CDK17: variants seen among roughly 807,000 people sequenced by gnomAD.
CDK17 encodes cyclin dependent kinase 17, also known as cyclin-dependent kinase 17.
Under a neutral mutation model 77.6 loss-of-function variants are expected in CDK17, and 24 were observed. That is an observed-to-expected ratio of 0.31 (90% confidence interval 0.22 to 0.44). CDK17 has a LOEUF of 0.44. Among genes scored for constraint, CDK17 ranks in the 20% least tolerant of loss-of-function variants. CDK17 has a pLI of 1.00. For synonymous variants in CDK17, 203 were observed against 210.4 expected (o/e 0.96, Z 0.30); for missense variants, 429 against 622.5 (o/e 0.69, Z 3.31).
intron 7 of CDK17, 44 bp from the exon 8 acceptor site, chr12:96,297,765 TATAAA>T (rs1952429849): frequency 9.5e-7 from 1 of 1,054,536 alleles, no homozygotes; most frequent in South Asian, 1.3e-5. Flanking sequence ...TGGCAGTCTT[TATAAA>T]AACCTGAAGT....
chr12:96,394,171 G>A (rs1051349531), intron 1 of CDK17, among the ~76,000 whole-genome samples: 7 of 151,984 alleles, frequency 4.6e-5, no homozygotes, highest in East Asian at 1.9e-4. Flanking sequence ...ACTTGAACCC[G>A]GGAGGCGGAG....
chr12:96,287,578 A>G (rs1300532109), intron 11 of CDK17, among the ~76,000 whole-genome samples: 1 of 152,274 alleles, frequency 6.6e-6, no homozygotes, highest in Non-Finnish European at 1.5e-5. Flanking sequence ...AACTGAAATC[A>G]GGCCAATGCA....
intron 1 of CDK17, among the ~76,000 whole-genome samples, chr12:96,348,523 C>CAAA (rs35363324): frequency 0.037 from 2,462 of 66,298 alleles, 123 homozygotes; most frequent in Non-Finnish European, 0.053. Context: ...GACTCTGTCT[C>CAAA]AAAAAAAAAA....
At chr12:96,329,230 G>A (rs1021974916) in intron 2 of CDK17, among the ~76,000 whole-genome samples, 5 of 151,968 alleles carry the variant, frequency 3.3e-5, no homozygotes, top group Admixed American at 6.6e-5. Context: ...TGATGGTTAC[G>A]CAATGTAAAT....
intron 13 of CDK17, among the ~76,000 whole-genome samples, chr12:96,284,244 G>A (rs919772253): frequency 6.6e-6 from 1 of 152,120 alleles, no homozygotes; most frequent in East Asian, 1.9e-4. Flanking sequence ...GCCGAGGCGG[G>A]TGGATCACGA....
At chr12:96,384,057 A>C (rs921744672) in intron 1 of CDK17, among the ~76,000 whole-genome samples, 3 of 149,976 alleles carry the variant, frequency 2.0e-5, no homozygotes, top group African/African-American at 7.3e-5. Context: ...TTAAATCCAC[A>C]AGAAAAAAAA....
intron 11 of CDK17, 89 bp downstream of exon 11, chr12:96,289,076 TCC>T: frequency 7.5e-7 from 1 of 1,333,546 alleles, no homozygotes; most frequent in East Asian, 2.4e-5. Flanking sequence ...AAATAATATC[TCC>T]TTAAAAGTAT....
At chr12:96,378,569 C>A (rs185723232) in intron 1 of CDK17, among the ~76,000 whole-genome samples, 6 of 152,342 alleles carry the variant, frequency 3.9e-5, no homozygotes, top group African/African-American at 1.4e-4. Flanking sequence ...CTCACTGCTA[C>A]AGGGATATTG....
At chr12:96,298,702 T>TA (rs1390104099) in intron 7 of CDK17, among the ~76,000 whole-genome samples, 167 bp downstream of exon 7, 2 of 152,222 alleles carry the variant, frequency 1.3e-5, no homozygotes, top group Admixed American at 6.5e-5. Flanking sequence ...AGTTATACAC[T>TA]AATATAATTA....
chr12:96,377,534 C>G (rs1953798958), intron 1 of CDK17, among the ~76,000 whole-genome samples: 1 of 152,066 alleles, frequency 6.6e-6, no homozygotes, highest in Non-Finnish European at 1.5e-5. Context: ...ATACAATAAC[C>G]TGAGTTAAAC....
chr12:96,376,380 C>A (rs747317845), intron 1 of CDK17, among the ~76,000 whole-genome samples: 9 of 152,310 alleles, frequency 5.9e-5, no homozygotes, highest in Admixed American at 2.0e-4. Context: ...AAACCAGACT[C>A]CAAAACATCA....
chr12:96,398,156 A>G (rs1954202531), intron 1 of CDK17, among the ~76,000 whole-genome samples: 1 of 151,968 alleles, frequency 6.6e-6, no homozygotes, highest in African/African-American at 2.4e-5. Flanking sequence ...TAAGCCAACC[A>G]TTCAAACTGT....
intron 1 of CDK17, among the ~76,000 whole-genome samples, chr12:96,365,438 T>C (rs1267597372): frequency 6.6e-6 from 1 of 152,192 alleles, no homozygotes; most frequent in Non-Finnish European, 1.5e-5. Flanking sequence ...TAAACCCTGA[T>C]AAGACAAAAT....
At chr12:96,289,336 C>A in intron 10 of CDK17, 49 bp from the exon 11 acceptor site, 4 of 1,604,702 alleles carry the variant, frequency 2.5e-6, no homozygotes, top group Non-Finnish European at 3.4e-6. Context: ...TTTAATGGAT[C>A]TCTCAGACCC....
At chr12:96,323,380 T>C (rs1291385898) in intron 3 of CDK17, among the ~76,000 whole-genome samples, 2 of 152,040 alleles carry the variant, frequency 1.3e-5, no homozygotes, top group East Asian at 3.9e-4. Context: ...CATTTGAGCC[T>C]GGGAGGTCAG....
chr12:96,334,336 CAG>C (rs1171110833), intron 2 of CDK17, among the ~76,000 whole-genome samples: 3 of 152,170 alleles, frequency 2.0e-5, no homozygotes, highest in Non-Finnish European at 4.4e-5. Context: ...AAGCCACAAA[CAG>C]AAATTTCACA....
chr12:96,299,493 C>A (rs146668991), intron 6 of CDK17, among the ~76,000 whole-genome samples: 3 of 150,390 alleles, frequency 2.0e-5, no homozygotes, highest in South Asian at 2.1e-4. Context: ...CGGTTCCAAG[C>A]GATTCTCCTG....
chr12:96,285,882 G>A (rs956712502), intron 13 of CDK17, 161 bp downstream of exon 13: 1 of 402,374 alleles, frequency 2.5e-6, no homozygotes, highest in Non-Finnish European at 4.6e-6. Context: ...ATAAACTCTA[G>A]AATTCTAAAA....
In CDK17 at chr12:96,281,212, G is replaced by A. The variant is rs779607379; in HGVS notation, c.1457-327C>T. ...CAGTCAAAATATATTATTATACTAG[G>A]TGTTAATTCTCTCTGTCCTTTCTCT... On this transcript the variant is annotated intron_variant, in intron 15 of 16. Coordinates refer to ENST00000261211, the MANE Select transcript of CDK17 (RefSeq NM_002595.5). 1.4e-4 allele frequency among the ~76,000 whole-genome samples: 22 copies of A among 152,146 alleles called. 1 individual carries two copies. The highest frequency in any genetic ancestry group is 9.2e-4 in the Admixed American group (14 of 15,274).
Sources: allele counts gnomAD v4.1 joint callset (sites outside exome capture counted in the v4.1 genomes callset), GRCh38; gene constraint gnomAD v4.1.1; transcripts MANE v1.5; gene names NCBI Gene and HGNC (gene_info 2026-07-23, HGNC 2026-07-21).